The following FBXO28 variants were observed in gnomAD, a reference collection of about 807,000 sequenced individuals.
The protein encoded by FBXO28 is F-box protein 28.
Under a neutral mutation model 38.1 loss-of-function variants are expected in FBXO28, and 8 were observed. That is an observed-to-expected ratio of 0.21 (90% CI 0.12 to 0.38). The LOEUF (loss-of-function observed/expected upper bound fraction) is 0.38. Ranked by LOEUF, FBXO28 falls within the 10% of genes least tolerant of loss-of-function variation. The pLI, the probability that FBXO28 is intolerant of heterozygous loss-of-function variation, is 1.00. For missense variants in FBXO28, 345 were observed against 460.6 expected (o/e 0.75, Z 2.30); for synonymous variants, 168 against 173.8 (o/e 0.97, Z 0.26).
chr1:224,135,924 A>ACT (rs1657172063), intron 3 of FBXO28, among the ~76,000 whole-genome samples: 1 of 151,792 alleles, frequency 6.6e-6, no homozygotes, highest in African/African-American at 2.4e-5. Context: ...AATCCCAGCT[A>ACT]CTCGGGAGTC....
At chr1:224,153,912 A>G (rs1206965686) in intron 4 of FBXO28, among the ~76,000 whole-genome samples, 1 of 140,800 alleles carries the variant, frequency 7.1e-6, no homozygotes, top group Non-Finnish European at 1.5e-5. Context: ...CAAGAGCGAA[A>G]CTCCATCTCA....
rs1234060444 is a variant in FBXO28, at chr1:224,159,660, GTGGAATAC to G, written c.*1915_*1922del. The G allele has an allele frequency of 6.6e-6, 1 of 152,120 alleles. No individual in the cohort carries two copies. The highest frequency in any genetic ancestry group is 1.5e-5 in the Non-Finnish European group (1 of 68,030). 9.4% of individuals were successfully genotyped at this position (152,120 alleles called of 1,614,324 possible). ...TTAGCATATCTTTAGAGGAGGCCTG[GTGGAATAC>G]CCGGGGCCTCTACTAGTCTGCTTTT... On this transcript the variant is annotated 3_prime_UTR_variant, in exon 5 of 5. Transcript: ENST00000366862.
At chr1:224,139,061 A>G (rs182360988) in intron 3 of FBXO28, among the ~76,000 whole-genome samples, 25 of 151,610 alleles carry the variant, frequency 1.6e-4, no homozygotes, top group African/African-American at 4.6e-4. Context: ...GGGATTACAG[A>G]TGTGAGCCAC....
intron 4 of FBXO28, among the ~76,000 whole-genome samples, chr1:224,155,029 G>A (rs7537121): frequency 0.93 from 140,442 of 151,712 alleles, 65,879 homozygotes; most frequent in Non-Finnish European, 1. Context: ...AGGACCATCT[G>A]TATTTTTTTA....
At chr1:224,156,519 G>A (rs950414744) in intron 4 of FBXO28, among the ~76,000 whole-genome samples, 1 of 152,064 alleles carries the variant, frequency 6.6e-6, no homozygotes, top group East Asian at 1.9e-4. Flanking sequence ...ACACTTACTG[G>A]CTGCACAATC....
chr1:224,127,340 A>G (rs188163233), intron 1 of FBXO28, among the ~76,000 whole-genome samples: 1 of 152,172 alleles, frequency 6.6e-6, no homozygotes. Flanking sequence ...TGTGTTTTCC[A>G]GAATTTTCTG....
intron 3 of FBXO28, among the ~76,000 whole-genome samples, chr1:224,148,661 CAAAA>C (rs1462894373): frequency 6.9e-6 from 1 of 145,424 alleles, no homozygotes. Flanking sequence ...GACTCCGTCT[CAAAA>C]AAAGAAAAAA....
intron 3 of FBXO28, among the ~76,000 whole-genome samples, chr1:224,135,147 A>G (rs1213607402): frequency 6.6e-6 from 1 of 152,160 alleles, no homozygotes; most frequent in Non-Finnish European, 1.5e-5. Context: ...ATACCAACAC[A>G]TTACCTGCTA....
chr1:224,147,848 T>C (rs1029263775), intron 3 of FBXO28, among the ~76,000 whole-genome samples: 1 of 148,892 alleles, frequency 6.7e-6, no homozygotes, highest in African/African-American at 2.5e-5. Flanking sequence ...AAAAAAAAGA[T>C]TAAATCTACT....
chr1:224,126,188 T>C (rs114533339), intron 1 of FBXO28, among the ~76,000 whole-genome samples: 2,022 of 126,392 alleles, frequency 0.016, 45 homozygotes, highest in African/African-American at 0.054. Context: ...GTTATTCTTA[T>C]TCTCATCACC....
chr1:224,135,363 TATC>T (rs922118826), intron 3 of FBXO28, among the ~76,000 whole-genome samples: 1 of 152,262 alleles, frequency 6.6e-6, no homozygotes, highest in Non-Finnish European at 1.5e-5. Flanking sequence ...ATCTCACAGT[TATC>T]ATAACTTCAA....
rs759460422 is a variant in FBXO28 at position 224,157,603 on chromosome 1, C to T, written c.964C>T (p.Arg322Cys). Residue 322 changes from arginine (R) to cysteine (C), a missense_variant, in exon 5 of 5, where the codon CGC becomes TGC. Arg to Cys is a radical substitution (Grantham distance 180). Around this residue, in one of 6 missense-constraint regions of FBXO28, gnomAD observed 151 missense variants for 188.3 expected, o/e 0.80. Coordinates refer to ENST00000366862, the MANE Select transcript of FBXO28 (RefSeq NM_015176.4). ...EQNARLAELE[R>C]KLREVMESAV... ...AAATGCACGGTTGGCAGAGCTAGAA[C>T]GCAAACTACGAGAAGTAATGGAAAG... 22 of 1,614,222 alleles carry T rather than the reference C, an allele frequency of 1.4e-5. No individual in the cohort carries two copies. Among genetic ancestry groups the T allele is most frequent in the Non-Finnish European group, 1.6e-5 (19 of 1,180,042 alleles).
chr1:224,157,920 C>G lies in FBXO28; in HGVS notation c.*174C>G. 7.1e-7 allele frequency: 1 copy of G among 1,413,274 alleles called. No individual in the cohort carries two copies. The highest frequency in any genetic ancestry group is 9.2e-7 in the Non-Finnish European group (1 of 1,090,946). 87.5% of individuals were successfully genotyped at this position (1,413,274 alleles called of 1,614,324 possible). On this transcript the variant is annotated 3_prime_UTR_variant, in exon 5 of 5. Transcript: ENST00000366862. Reference sequence around the variant, plus strand: ...TCTTTTCCTGCTTCTCCTGATTGAACTGATGCACAGAATCTTTTTACTTTG... The same window carrying G: ...TCTTTTCCTGCTTCTCCTGATTGAAGTGATGCACAGAATCTTTTTACTTTG...
intron 4 of FBXO28, among the ~76,000 whole-genome samples, chr1:224,154,901 C>T (rs1483562260): frequency 1.3e-5 from 2 of 150,692 alleles, no homozygotes; most frequent in Non-Finnish European, 3.0e-5. Flanking sequence ...TTACTTGAAC[C>T]CAAGAGGCGG....
chr1:224,116,848 T>C (rs1224948885), intron 1 of FBXO28, among the ~76,000 whole-genome samples: 1 of 152,206 alleles, frequency 6.6e-6, no homozygotes, highest in East Asian at 1.9e-4. Context: ...CATGAATAAC[T>C]GATTTCCAAG....
intron 1 of FBXO28, among the ~76,000 whole-genome samples, chr1:224,126,719 A>G (rs1484402791): frequency 1.3e-5 from 2 of 152,194 alleles, no homozygotes; most frequent in African/African-American, 2.4e-5. Flanking sequence ...CTGAGGCAGG[A>G]GAATCGCTTG....
rs960248487 is a variant in FBXO28, at chr1:224,136,968, C to G, written c.516+2756C>G. On this transcript the variant is annotated intron_variant, in intron 3 of 4. Coordinates refer to ENST00000366862, the MANE Select transcript of FBXO28 (RefSeq NM_015176.4). Reference sequence around the variant, plus strand: ...GGTTTCACCATGTTGGCCAGGCTGGCCTCAAACTCCTGATCTCAAGTGATC... The same window carrying G: ...GGTTTCACCATGTTGGCCAGGCTGGGCTCAAACTCCTGATCTCAAGTGATC... Among the ~76,000 whole-genome samples the G allele has an allele frequency of 1.7e-4, 25 of 150,956 alleles. 1 individual carries two copies. The highest frequency in any genetic ancestry group is 2.9e-4 in the Non-Finnish European group (20 of 67,870).
chr1:224,114,742 T>C (rs940228159), intron 1 of FBXO28, among the ~76,000 whole-genome samples: 2 of 151,708 alleles, frequency 1.3e-5, no homozygotes, highest in Non-Finnish European at 2.9e-5. Flanking sequence ...TCATGTCGCC[T>C]GCCTTTTGTA....
intron 3 of FBXO28, among the ~76,000 whole-genome samples, chr1:224,139,413 T>A (rs58123902): frequency 1.7e-4 from 26 of 151,758 alleles, no homozygotes; most frequent in Admixed American, 1.3e-3. Flanking sequence ...CTAGCAGTTA[T>A]TTACCTTTCA....
Sources: gnomAD v4.1 joint callset for allele counts (sites outside exome capture counted in the v4.1 genomes callset) on GRCh38, gnomAD v4.1.1 for gene constraint, gnomAD v4.1.1 regional missense constraint, MANE v1.5 for transcripts, NCBI Gene and HGNC (gene_info 2026-07-23, HGNC 2026-07-21) for gene names.